Variants in PTPRD observed in about 807,000 individuals in gnomAD.
PTPRD encodes receptor-type tyrosine-protein phosphatase delta.
In PTPRD, 34 loss-of-function variants were observed where a neutral mutation model predicts 214.5. The ratio of observed to expected loss-of-function variants is 0.16; its 90% confidence interval spans 0.12 to 0.21. The LOEUF (loss-of-function observed/expected upper bound fraction) is 0.21, where lower values mean the gene tolerates loss of function less well. PTPRD is among the 10% of genes least tolerant of loss of function. The pLI is 1.00. For missense variants in PTPRD, 2,545 were observed against 2,398.7 expected, an observed-to-expected ratio of 1.06 and a Z score of -1.27; for synonymous variants, 1,128 against 845.7, an observed-to-expected ratio of 1.33 and a Z score of -5.79.
intron 4 of PTPRD, among the ~76,000 whole-genome samples, chr9:10,005,885 T>C (rs1567043672): frequency 2.0e-5 from 3 of 152,184 alleles, no homozygotes; most frequent in East Asian, 3.9e-4. Flanking sequence ...TACAAAATTA[T>C]GGTAAATGCT....
intron 7 of PTPRD, among the ~76,000 whole-genome samples, chr9:9,641,045 T>C (rs1438677190): frequency 1.0e-5 from 1 of 95,496 alleles, no homozygotes; most frequent in Non-Finnish European, 3.0e-5. Context: ...ACTAATGATT[T>C]TGGCAGCCAA....
At chr9:9,357,899 C>T (rs551433349) in intron 9 of PTPRD, among the ~76,000 whole-genome samples, 34 of 151,218 alleles carry the variant, frequency 2.2e-4, no homozygotes, top group African/African-American at 7.5e-4. Flanking sequence ...ACAACCATTT[C>T]TCTGTTCTCT....
At chr9:9,053,900 T>C (rs1359934683) in intron 10 of PTPRD, among the ~76,000 whole-genome samples, 6 of 152,142 alleles carry the variant, frequency 3.9e-5, no homozygotes, top group Admixed American at 3.3e-4. Context: ...ACTAGACAAT[T>C]TTCAAAAAGA....
intron 10 of PTPRD, among the ~76,000 whole-genome samples, chr9:9,120,242 G>T (rs2099816323): frequency 6.6e-6 from 1 of 152,216 alleles, no homozygotes. Flanking sequence ...TTTGAAGAAA[G>T]ATGTCATTTA....
intron 7 of PTPRD, among the ~76,000 whole-genome samples, chr9:9,687,530 A>C (rs1394224713): frequency 7.4e-6 from 1 of 135,250 alleles, no homozygotes; most frequent in East Asian, 2.2e-4. Context: ...GCATAGGGCA[A>C]TTTCATATTG....
Position 8,364,661 on chromosome 9 carries a change from A to T in PTPRD, c.4661+11275T>A, listed in dbSNP as rs187315896. On this transcript the variant is annotated intron_variant, in intron 39 of 45. Coordinates refer to ENST00000381196, the MANE Select transcript of PTPRD (RefSeq NM_002839.4). ...GGCCTGAAGTGGTTTCCACCATCAC[A>T]GCTCCAGGCACTGCCGCAAGGCAGG... Among the ~76,000 whole-genome samples the T allele has an allele frequency of 5.3e-5, 8 of 152,330 alleles. No homozygotes were observed. In the East Asian group the frequency reaches 1.6e-3, roughly 30 times the overall value.
intron 3 of PTPRD, among the ~76,000 whole-genome samples, chr9:10,099,766 A>G (rs12346349): frequency 0.024 from 3,654 of 151,730 alleles, 59 homozygotes; most frequent in Middle Eastern, 0.068. Flanking sequence ...GAGCAAACTT[A>G]TCTTAAAGAT....
At chr9:10,426,876 C>T (rs1277560338) in intron 2 of PTPRD, among the ~76,000 whole-genome samples, 2 of 152,056 alleles carry the variant, frequency 1.3e-5, no homozygotes, top group Admixed American at 1.3e-4. Context: ...ACGTCTGTCA[C>T]TGTTTCTGAA....
At chr9:9,719,473 C>A (rs1241578422) in intron 7 of PTPRD, among the ~76,000 whole-genome samples, 2 of 152,136 alleles carry the variant, frequency 1.3e-5, no homozygotes, top group East Asian at 3.9e-4. Flanking sequence ...ATTCCCCAAG[C>A]CAGAGCTGCT....
intron 5 of PTPRD, among the ~76,000 whole-genome samples, chr9:9,793,550 G>T (rs562028353): frequency 6.6e-6 from 1 of 152,148 alleles, no homozygotes; most frequent in East Asian, 1.9e-4. Context: ...TTTATTTTAT[G>T]CTGTTAAGAA....
chr9:9,049,861 T>C (rs2099681304), intron 10 of PTPRD, among the ~76,000 whole-genome samples: 1 of 152,196 alleles, frequency 6.6e-6, no homozygotes, highest in Non-Finnish European at 1.5e-5. Flanking sequence ...ATTACCTCCA[T>C]TTCAATAAAA....
chr9:8,360,709 C>T (rs961986692), intron 39 of PTPRD, among the ~76,000 whole-genome samples: 1 of 152,114 alleles, frequency 6.6e-6, no homozygotes, highest in South Asian at 2.1e-4. Flanking sequence ...CTTAGTAGTT[C>T]ATCATCTCGT....
intron 36 of PTPRD, among the ~76,000 whole-genome samples, chr9:8,399,939 T>C (rs1020293212): frequency 2.6e-5 from 4 of 152,180 alleles, no homozygotes; most frequent in Non-Finnish European, 5.9e-5. Flanking sequence ...TAAATTCAGA[T>C]CATGACAACT....
chr9:9,250,555 A>ACC (rs1157186548), intron 9 of PTPRD, among the ~76,000 whole-genome samples: 1 of 152,090 alleles, frequency 6.6e-6, no homozygotes, highest in Non-Finnish European at 1.5e-5. Context: ...GTCTCTTCAA[A>ACC]CAGCAGGTAA....
intron 5 of PTPRD, among the ~76,000 whole-genome samples, chr9:9,910,188 G>C (rs1371028327): frequency 6.6e-6 from 1 of 151,898 alleles, no homozygotes; most frequent in Admixed American, 6.6e-5. Context: ...GTACTCATTA[G>C]AGCTCCTGGC....
rs114030180 is a variant in PTPRD at position 10,118,811 on chromosome 9, T to A, written c.-544-85021A>T. ...AGTTCTAGGCACAATGTTTTGAGAA[T>A]GACTTTTTCAAACCATAGGACAACT... On this transcript the variant is annotated intron_variant, in intron 3 of 45. Transcript: ENST00000381196. 3.8e-3 allele frequency among the ~76,000 whole-genome samples: 581 copies of A among 151,202 alleles called. 3 individuals carry two copies. The highest frequency in any genetic ancestry group is 0.013 in the African/African-American group (555 of 41,352).
intron 14 of PTPRD, among the ~76,000 whole-genome samples, chr9:8,630,640 AATC>A (rs2096223802): frequency 1.3e-5 from 2 of 152,012 alleles, no homozygotes; most frequent in African/African-American, 4.8e-5. Flanking sequence ...TAACTACTCA[AATC>A]ATAAATTTTC....
intron 4 of PTPRD, among the ~76,000 whole-genome samples, chr9:9,988,732 T>C (rs903335392): frequency 1.3e-5 from 2 of 152,062 alleles, no homozygotes; most frequent in African/African-American, 4.8e-5. Context: ...GCTCAGTATA[T>C]AAAAACTCTA....
At position 8,376,682 on chromosome 9, in the gene PTPRD, G is replaced by A. The variant is rs148200451; in HGVS notation, c.4431C>T (p.His1477=). 1.1e-4 allele frequency: 185 copies of A among 1,613,026 alleles called. No homozygotes were observed. The highest frequency in any genetic ancestry group is 9.7e-4 in the Admixed American group (58 of 59,880). Residue 1477 remains histidine, a synonymous_variant, in exon 38 of 46, where the codon CAC becomes CAT. Coordinates refer to ENST00000381196, the MANE Select transcript of PTPRD (RefSeq NM_002839.4). ...QYWPSRGTET[H]GLVQVTLLDT... is the part of the protein sequence containing the mutation. ...CAAGCAGCGTTACTTGAACGAGTCC[G>A]TGGGTTTCTGTGCCTCTGCTAGGCC...
Sources: gnomAD v4.1 joint callset for allele counts (sites outside exome capture counted in the v4.1 genomes callset) on GRCh38, gnomAD v4.1.1 for gene constraint, MANE v1.5 for transcripts, NCBI Gene and HGNC (gene_info 2026-07-23, HGNC 2026-07-21) for gene names.